CNTN5: variants seen among roughly 807,000 people sequenced by gnomAD.
CNTN5 encodes contactin 5, also known as contactin-5.
A neutral mutation model predicts 129.1 loss-of-function variants in CNTN5; 77 were observed. The observed-to-expected ratio is 0.60, with a 90% CI of 0.50 to 0.72. The LOEUF (loss-of-function observed/expected upper bound fraction) is 0.72. Ranked by LOEUF, CNTN5 falls within the 30% of genes least tolerant of loss-of-function variation. CNTN5 has a pLI of 0.00. For synonymous variants in CNTN5, 509 were observed against 465.6 expected (o/e 1.09, Z -1.20); for missense variants, 1,478 against 1,328.8 (o/e 1.11, Z -1.75).
chr11:100,198,555 C>G (rs1948703312), intron 15 of CNTN5, among the ~76,000 whole-genome samples: 1 of 151,810 alleles, frequency 6.6e-6, no homozygotes, highest in African/African-American at 2.4e-5. Flanking sequence ...GGAAGGCAAC[C>G]TAAGGTGAGA....
intron 10 of CNTN5, among the ~76,000 whole-genome samples, chr11:100,064,514 C>A (rs548435410): frequency 1.3e-5 from 2 of 151,942 alleles, no homozygotes; most frequent in Admixed American, 6.6e-5. Flanking sequence ...AAAAGTAATA[C>A]TCATAAAAAA....
chr11:99,379,828 T>C (rs1504711), intron 2 of CNTN5, among the ~76,000 whole-genome samples: 96,571 of 151,956 alleles, frequency 0.64, 32,278 homozygotes, highest in African/African-American at 0.86. Flanking sequence ...GGAACAGTTA[T>C]TCATGCCTGT....
chr11:99,689,204 A>G lies in CNTN5; in HGVS notation c.56-130340A>G, dbSNP rs1162874026. Among the ~76,000 whole-genome samples the G allele has an allele frequency of 3.9e-5, 6 of 152,154 alleles. No individual in the cohort carries two copies. In the East Asian group the frequency reaches 9.7e-4, roughly 25 times the overall value. ...CACACTGTCTTCCACAATGGGTTGAACTAATTTACACTCCTGCCAACAAGG... is the reference window on the plus strand; with the variant it reads ...CACACTGTCTTCCACAATGGGTTGAGCTAATTTACACTCCTGCCAACAAGG... On this transcript the variant is annotated intron_variant, in intron 3 of 24. Transcript: ENST00000524871.
At chr11:99,308,281 C>T (rs1252750942) in intron 1 of CNTN5, among the ~76,000 whole-genome samples, 1 of 152,066 alleles carries the variant, frequency 6.6e-6, no homozygotes, top group Non-Finnish European at 1.5e-5. Context: ...GTTGAAAGAT[C>T]ACATTAGTGT....
chr11:99,122,006 T>G (rs1179578528), intron 1 of CNTN5, among the ~76,000 whole-genome samples: 1 of 152,034 alleles, frequency 6.6e-6, no homozygotes, highest in Non-Finnish European at 1.5e-5. Flanking sequence ...TATTATACTT[T>G]AAGTTCTAGG....
At chr11:99,609,584 A>C (rs1950534949) in intron 3 of CNTN5, among the ~76,000 whole-genome samples, 1 of 152,108 alleles carries the variant, frequency 6.6e-6, no homozygotes. Flanking sequence ...AAGAAACAGG[A>C]ATTGGTTGAT....
chr11:99,777,146 T>G (rs1945151567), intron 3 of CNTN5, among the ~76,000 whole-genome samples: 1 of 151,922 alleles, frequency 6.6e-6, no homozygotes. Flanking sequence ...TTATGGTGAA[T>G]ATTACATTCA....
At chr11:99,225,845 CA>C (rs1173704654) in intron 1 of CNTN5, among the ~76,000 whole-genome samples, 1 of 152,066 alleles carries the variant, frequency 6.6e-6, no homozygotes, top group African/African-American at 2.4e-5. Flanking sequence ...TTTCATAACA[CA>C]TATTTCAAAT....
At chr11:100,290,126 A>T (rs1180279492) in intron 18 of CNTN5, among the ~76,000 whole-genome samples, 3 of 151,416 alleles carry the variant, frequency 2.0e-5, no homozygotes. Flanking sequence ...CAAATGGAAG[A>T]ACATTCCATG....
intron 7 of CNTN5, among the ~76,000 whole-genome samples, chr11:99,933,396 T>C (rs560334717): frequency 6.6e-6 from 1 of 152,150 alleles, no homozygotes; most frequent in Non-Finnish European, 1.5e-5. Context: ...AAGTGTATAA[T>C]TCAGTGAATT....
chr11:99,215,163 G>T (rs780163188), intron 1 of CNTN5, among the ~76,000 whole-genome samples: 14 of 152,170 alleles, frequency 9.2e-5, no homozygotes, highest in Non-Finnish European at 1.6e-4. Flanking sequence ...TCCAATTTTA[G>T]GCTTATCTTC....
intron 1 of CNTN5, among the ~76,000 whole-genome samples, chr11:99,270,415 T>C (rs1863119291): frequency 6.6e-6 from 1 of 151,980 alleles, no homozygotes; most frequent in African/African-American, 2.4e-5. Context: ...CAGCACCTTC[T>C]TAACCTTCTT....
chr11:100,246,060 G>C (rs1949834332), intron 16 of CNTN5, among the ~76,000 whole-genome samples: 1 of 151,668 alleles, frequency 6.6e-6, no homozygotes, highest in South Asian at 2.1e-4. Flanking sequence ...TTTCATTTTT[G>C]AATGTTTCAC....
chr11:99,387,769 T>G (rs1324048920), intron 2 of CNTN5, among the ~76,000 whole-genome samples: 1 of 152,166 alleles, frequency 6.6e-6, no homozygotes, highest in Non-Finnish European at 1.5e-5. Flanking sequence ...GGGATATTTG[T>G]AGGTATATAG....
intron 2 of CNTN5, among the ~76,000 whole-genome samples, chr11:99,493,623 C>T (rs1225254258): frequency 6.6e-6 from 1 of 152,040 alleles, no homozygotes; most frequent in Non-Finnish European, 1.5e-5. Context: ...TTCAAAAAAA[C>T]AAATACATAT....
chr11:99,332,919 G>A (rs1591534587), intron 2 of CNTN5, among the ~76,000 whole-genome samples: 1 of 151,986 alleles, frequency 6.6e-6, no homozygotes, highest in African/African-American at 2.4e-5. Flanking sequence ...TTCACTTAGC[G>A]CAACCGTATT....
intron 2 of CNTN5, among the ~76,000 whole-genome samples, chr11:99,533,488 G>A (rs1947790352): frequency 6.6e-6 from 1 of 152,178 alleles, no homozygotes; most frequent in South Asian, 2.1e-4. Flanking sequence ...TTCTGTCATT[G>A]AATCCAAAGG....
In CNTN5 at chr11:99,376,673, T is replaced by C. The variant is rs141903197; in HGVS notation, c.-71+51189T>C. On this transcript the variant is annotated intron_variant, in intron 2 of 24. Transcript: ENST00000524871. The stretch of plus-strand genomic sequence containing the variant: ...AGGAAGTGATTTCCAGCACAGTAAA[T>C]AGACTTTACCCCAGTCGCTTACCCC... Among the ~76,000 whole-genome samples the C allele has an allele frequency of 4.7e-3, 713 of 152,238 alleles. 4 individuals carry two copies. Among genetic ancestry groups the C allele is most frequent in the Non-Finnish European group, 7.8e-3 (533 of 68,010 alleles).
At position 99,313,079 on chromosome 11, in the gene CNTN5, A is replaced by G. The variant is rs541379462; in HGVS notation, c.-209-12267A>G. 5.9e-5 allele frequency among the ~76,000 whole-genome samples: 9 copies of G among 152,048 alleles called. No individual in the cohort carries two copies. In the East Asian group the frequency reaches 1.7e-3, roughly 29 times the overall value. ...ATATAGACAGATTAGCCTTCCTCTC[A>G]GGTGACATCTCACGCAATCCAAGAT... On this transcript the variant is annotated intron_variant, in intron 1 of 24. Coordinates refer to ENST00000524871, the MANE Select transcript of CNTN5 (RefSeq NM_014361.4).
Sources: allele counts gnomAD v4.1 joint callset (sites outside exome capture counted in the v4.1 genomes callset), GRCh38; gene constraint gnomAD v4.1.1; transcripts MANE v1.5; gene names NCBI Gene and HGNC (gene_info 2026-07-23, HGNC 2026-07-21).